Variants in ADK observed in about 807,000 individuals in gnomAD.
ADK encodes the protein N6,N6-dimethyladenosine kinase.
A neutral mutation model predicts 44.7 loss-of-function variants in ADK; 24 were observed. The observed-to-expected ratio is 0.54, with a 90% CI of 0.39 to 0.76. The LOEUF is 0.76. ADK is among the 30% of genes least tolerant of loss of function. The pLI, the probability that ADK is intolerant of heterozygous loss-of-function variation, is 0.00. For synonymous variants in ADK, 128 were observed against 142.6 expected (o/e 0.90, Z 0.73); for missense variants, 321 against 425.1 (o/e 0.76, Z 2.15).
intron 1 of ADK, among the ~76,000 whole-genome samples, chr10:74,152,160 G>A (rs927204566): frequency 1.3e-5 from 2 of 152,132 alleles, no homozygotes; most frequent in Admixed American, 1.3e-4. Flanking sequence ...GGACACTCCT[G>A]ATTAAACAGG....
chr10:74,708,452 A>C lies in ADK; in HGVS notation c.*7A>C, dbSNP rs772794217. ...GAAGCCAGACTTCCACTGATGGAAG[A>C]GCTGAAAACACAAGCCCAGGAGTGC... On this transcript the variant is annotated 3_prime_UTR_variant, in exon 11 of 11. Transcript: ENST00000539909. The C allele has an allele frequency of 6.2e-7, 1 of 1,610,014 alleles. No individual in the cohort carries two copies. Among genetic ancestry groups the C allele is most frequent in the South Asian group, 1.1e-5 (1 of 91,006 alleles).
intron 3 of ADK, among the ~76,000 whole-genome samples, 172 bp downstream of exon 3, chr10:74,224,763 A>G (rs1844466576): frequency 6.6e-6 from 1 of 152,244 alleles, no homozygotes; most frequent in South Asian, 2.1e-4. Flanking sequence ...CACTACATAA[A>G]GTTTACACAG....
chr10:74,302,219 C>G (rs1392188325), intron 3 of ADK, among the ~76,000 whole-genome samples: 2 of 143,028 alleles, frequency 1.4e-5, no homozygotes, highest in Admixed American at 7.4e-5. Flanking sequence ...ACCCCTACCT[C>G]CCGGGTTCAA....
intron 3 of ADK, among the ~76,000 whole-genome samples, chr10:74,242,520 G>A (rs1008260626): frequency 5.7e-5 from 6 of 106,008 alleles, no homozygotes; most frequent in African/African-American, 2.7e-4. Context: ...TTTTTGTTTG[G>A]CTTTATTAAT....
chr10:74,241,260 A>C (rs1202672517), intron 3 of ADK, among the ~76,000 whole-genome samples: 1 of 152,206 alleles, frequency 6.6e-6, no homozygotes, highest in Non-Finnish European at 1.5e-5. Context: ...AATTGAGCAA[A>C]GATACAGAGA....
At chr10:74,561,461 A>G (rs1405568205) in intron 7 of ADK, among the ~76,000 whole-genome samples, 1 of 152,230 alleles carries the variant, frequency 6.6e-6, no homozygotes, top group African/African-American at 2.4e-5. Context: ...GGGATCAGGC[A>G]TCAAGATAAC....
chr10:74,370,240 T>G (rs955798695), intron 4 of ADK, among the ~76,000 whole-genome samples: 1 of 152,198 alleles, frequency 6.6e-6, no homozygotes, highest in African/African-American at 2.4e-5. Context: ...CTTAAATATG[T>G]ACAGTTAATT....
intron 9 of ADK, among the ~76,000 whole-genome samples, chr10:74,626,502 C>T (rs996522100): frequency 2.0e-5 from 3 of 151,876 alleles, no homozygotes; most frequent in Non-Finnish European, 4.4e-5. Flanking sequence ...GGGGTTTTAC[C>T]ATGTTTACTA....
In ADK at chr10:74,571,770, G is replaced by A. The variant is rs557539655; in HGVS notation, c.727-17512G>A. ...TCATTAATTTTTTGAAGGGTTTTTT[G>A]TGTCTCTATTTCCTTCAGTTCTGCT... On this transcript the variant is annotated intron_variant, in intron 7 of 10. Coordinates refer to ENST00000539909, the MANE Select transcript of ADK (RefSeq NM_006721.4). Among the ~76,000 whole-genome samples the A allele has an allele frequency of 7.2e-3, 1,099 of 151,976 alleles. 10 individuals are homozygous for A. Among genetic ancestry groups the A allele is most frequent in the Non-Finnish European group, 0.011 (740 of 67,970 alleles).
chr10:74,364,835 G>C (rs896291244), intron 4 of ADK, among the ~76,000 whole-genome samples: 4 of 151,408 alleles, frequency 2.6e-5, no homozygotes, highest in Non-Finnish European at 1.5e-5. Context: ...TATCTTCCTG[G>C]GAGTTTTACA....
chr10:74,248,699 C>T (rs992010462), intron 3 of ADK, among the ~76,000 whole-genome samples: 8 of 152,120 alleles, frequency 5.3e-5, no homozygotes, highest in African/African-American at 1.9e-4. Context: ...TTCAAAATAA[C>T]TTTTTAAACA....
At chr10:74,660,457 G>T (rs1040576212) in intron 9 of ADK, among the ~76,000 whole-genome samples, 1 of 152,168 alleles carries the variant, frequency 6.6e-6, no homozygotes, top group African/African-American at 2.4e-5. Flanking sequence ...GAGAAAATTG[G>T]CCTGGCACAG....
At chr10:74,439,854 T>C (rs1199998402) in intron 6 of ADK, among the ~76,000 whole-genome samples, 1 of 152,062 alleles carries the variant, frequency 6.6e-6, no homozygotes, top group East Asian at 1.9e-4. Flanking sequence ...CTTGGTTTAA[T>C]TTTAACATAT....
At chr10:74,464,546 C>A (rs1363399449) in intron 6 of ADK, among the ~76,000 whole-genome samples, 1 of 152,116 alleles carries the variant, frequency 6.6e-6, no homozygotes, top group South Asian at 2.1e-4. Flanking sequence ...GGTGATACAG[C>A]GAGACCATGT....
chr10:74,579,111 G>A (rs1392183661), intron 7 of ADK, among the ~76,000 whole-genome samples: 6 of 152,130 alleles, frequency 3.9e-5, no homozygotes, highest in Admixed American at 6.5e-5. Context: ...GCGTGTGTCT[G>A]TAGTCCCAGC....
chr10:74,507,911 A>T (rs1424271490), intron 6 of ADK, among the ~76,000 whole-genome samples: 3 of 152,206 alleles, frequency 2.0e-5, no homozygotes, highest in Admixed American at 6.5e-5. Flanking sequence ...ATGAAGAAAG[A>T]ATTTGTTAGA....
chr10:74,702,101 A>C (rs918772475), intron 10 of ADK, among the ~76,000 whole-genome samples: 2 of 152,146 alleles, frequency 1.3e-5, no homozygotes, highest in Non-Finnish European at 2.9e-5. Context: ...AAATCATCAC[A>C]GTATGAGTTG....
intron 7 of ADK, among the ~76,000 whole-genome samples, chr10:74,526,082 A>C (rs1849027915): frequency 6.6e-6 from 1 of 152,196 alleles, no homozygotes; most frequent in South Asian, 2.1e-4. Context: ...AATCAGGATA[A>C]AAAAGCACAT....
intron 6 of ADK, among the ~76,000 whole-genome samples, chr10:74,430,443 A>C (rs1362484839): frequency 1.3e-4 from 20 of 152,076 alleles, no homozygotes; most frequent in Admixed American, 1.3e-3. Flanking sequence ...GAATATTTGC[A>C]CATAAGTTTT....
Sources: gnomAD v4.1 joint callset for allele counts (sites outside exome capture counted in the v4.1 genomes callset) on GRCh38, gnomAD v4.1.1 for gene constraint, MANE v1.5 for transcripts, NCBI Gene and HGNC (gene_info 2026-07-23, HGNC 2026-07-21) for gene names.